ATP2C1: variants seen among roughly 807,000 people sequenced by gnomAD.
ATP2C1 encodes the protein ATPase secretory pathway Ca2+ transporting 1, also known as calcium-transporting ATPase type 2C member 1.
In ATP2C1, 31 loss-of-function variants were observed where a neutral mutation model predicts 120.5. The observed-to-expected ratio is 0.26, with a 90% CI of 0.19 to 0.35. ATP2C1 has a LOEUF of 0.35. Ranked by LOEUF, ATP2C1 falls within the 10% of genes least tolerant of loss-of-function variation. The pLI is 1.00. For synonymous variants in ATP2C1, 351 were observed against 358.7 expected (o/e 0.98, Z 0.24); for missense variants, 731 against 1,107.5 (o/e 0.66, Z 4.83).
chr3:130,942,534 A>G (rs2059969153), intron 8 of ATP2C1, among the ~76,000 whole-genome samples: 1 of 152,196 alleles, frequency 6.6e-6, no homozygotes, highest in Non-Finnish European at 1.5e-5. Flanking sequence ...TACTATGGCC[A>G]AAAGTATGAG....
chr3:130,979,404 A>G lies in ATP2C1; in HGVS notation c.1726A>G (p.Thr576Ala). The part of the protein sequence containing the change: ...IKMITGDSQE[T>A]AVAIASRLGL... ...AATGATTACTGGAGATTCACAGGAG[A>G]CTGCAGTTGCAATCGGTATAACTAG... The change falls in exon 19 of 28, where the codon ACT becomes GCT. Residue 576 changes from threonine (T) to alanine (A), a missense_variant. By Grantham distance (58) the Thr-to-Ala change is moderately conservative. Around this residue, in one of 3 missense-constraint regions of ATP2C1, gnomAD observed 571 missense variants for 845.9 expected, o/e 0.67. Coordinates refer to ENST00000510168, the MANE Select transcript of ATP2C1 (RefSeq NM_001378687.1). The G allele has an allele frequency of 6.2e-7, 1 of 1,613,426 alleles. No individual in the cohort carries two copies. Among genetic ancestry groups the G allele is most frequent in the Non-Finnish European group, 8.5e-7 (1 of 1,179,592 alleles).
intron 17 of ATP2C1, among the ~76,000 whole-genome samples, chr3:130,974,478 A>G (rs530127117): frequency 9.8e-5 from 15 of 152,350 alleles, no homozygotes; most frequent in South Asian, 6.2e-4. Flanking sequence ...TGGCCAAAGC[A>G]AGTCATACCT....
intron 2 of ATP2C1, among the ~76,000 whole-genome samples, chr3:130,921,078 T>TC (rs2058939597): frequency 6.8e-6 from 1 of 148,130 alleles, no homozygotes; most frequent in African/African-American, 2.6e-5. Context: ...GAGTTTTCTT[T>TC]CTTTTTTTTT....
intron 8 of ATP2C1, among the ~76,000 whole-genome samples, chr3:130,952,514 G>T (rs1332413366): frequency 6.6e-6 from 1 of 152,138 alleles, no homozygotes. Flanking sequence ...AGAAAAAGAA[G>T]ATTTAAATTT....
At chr3:130,918,426 G>T (rs911106461) in intron 2 of ATP2C1, 24 of 985,332 alleles carry the variant, frequency 2.4e-5, no homozygotes, top group Non-Finnish European at 3.3e-5. Flanking sequence ...AGCATGTACG[G>T]AATCCCCACA....
At chr3:130,946,059 A>T (rs773642646) in intron 8 of ATP2C1, among the ~76,000 whole-genome samples, 1 of 152,188 alleles carries the variant, frequency 6.6e-6, no homozygotes, top group Non-Finnish European at 1.5e-5. Context: ...ATGTGCTTAT[A>T]GTTGGCCCCC....
At chr3:130,936,816 C>CAAAAAAAAAAAAAAAAAAAAAAAAAA (rs34156218) in intron 5 of ATP2C1, among the ~76,000 whole-genome samples, 1 of 77,958 alleles carries the variant, frequency 1.3e-5, no homozygotes. Flanking sequence ...GACTCTGTCT[C>CAAAAAAAAAAAAAAAAAAAAAAAAAA]AAAAAAAAAA....
chr3:130,964,174 T>G (rs1402451059), intron 13 of ATP2C1, 79 bp downstream of exon 13: 35 of 1,582,194 alleles, frequency 2.2e-5, no homozygotes, highest in Non-Finnish European at 2.9e-5. Context: ...AGTTTTACAG[T>G]TTTTATCTTA....
In ATP2C1 at chr3:130,964,949, C is replaced by A; in HGVS notation, c.1026C>A (p.Gly342=). The change falls in exon 14 of 28, where the codon GGC becomes GGA. Residue 342 remains glycine, a splice_region_variant and synonymous_variant. Coordinates refer to ENST00000510168, the MANE Select transcript of ATP2C1 (RefSeq NM_001378687.1). ...VKKLPIVETL[G]CCNVICSDKT... The stretch of plus-strand genomic sequence containing the variant: ...ACTTGTAATGATTTAATTCTTTAGG[C>A]TGCTGTAATGTGATTTGTTCAGATA... 6.2e-7 allele frequency: 1 copy of A among 1,606,380 alleles called. No individual in the cohort carries two copies. Among genetic ancestry groups the A allele is most frequent in the Non-Finnish European group, 8.5e-7 (1 of 1,174,006 alleles).
chr3:130,936,037 C>G (rs762024895), intron 5 of ATP2C1, among the ~76,000 whole-genome samples: 40 of 152,144 alleles, frequency 2.6e-4, no homozygotes, highest in Non-Finnish European at 5.0e-4. Context: ...ATGAGCGAAT[C>G]AGACCAAGGA....
intron 19 of ATP2C1, among the ~76,000 whole-genome samples, chr3:130,980,078 A>C (rs955332606): frequency 6.6e-6 from 1 of 152,064 alleles, no homozygotes; most frequent in Non-Finnish European, 1.5e-5. Context: ...TTCGATGTTT[A>C]TTTTCATTTA....
intron 2 of ATP2C1, among the ~76,000 whole-genome samples, chr3:130,903,027 GA>G (rs2057940050): frequency 2.0e-5 from 3 of 151,552 alleles, no homozygotes; most frequent in Non-Finnish European, 2.9e-5. Context: ...TTCCTTTTAG[GA>G]AAAAAACCGG....
chr3:130,860,354 A>G (rs1229097851), intron 1 of ATP2C1, among the ~76,000 whole-genome samples: 7 of 152,250 alleles, frequency 4.6e-5, no homozygotes, highest in Admixed American at 4.6e-4. Context: ...CTGTGAAGAG[A>G]GCAGGAAAAA....
intron 25 of ATP2C1, 75 bp from the exon 26 acceptor site, chr3:130,998,219 A>G: frequency 2.0e-6 from 2 of 999,864 alleles, no homozygotes; most frequent in South Asian, 1.3e-5. Flanking sequence ...GAAAATGTTT[A>G]TATTTTTTAA....
chr3:130,885,974 T>G (rs2068963055), intron 1 of ATP2C1, among the ~76,000 whole-genome samples: 2 of 152,240 alleles, frequency 1.3e-5, no homozygotes, highest in African/African-American at 4.8e-5. Flanking sequence ...ATTAACATCT[T>G]TGTCTTTCAG....
At chr3:130,974,274 T>C (rs2108734298) in intron 17 of ATP2C1, among the ~76,000 whole-genome samples, 1 of 152,336 alleles carries the variant, frequency 6.6e-6, no homozygotes, top group East Asian at 1.9e-4. Context: ...GGATAGGCCA[T>C]GAAAACAACA....
intron 8 of ATP2C1, among the ~76,000 whole-genome samples, chr3:130,950,608 A>G (rs1293558325): frequency 6.6e-6 from 1 of 152,204 alleles, no homozygotes; most frequent in African/African-American, 2.4e-5. Flanking sequence ...CTTAGAAAGT[A>G]TTCGTATTCA....
chr3:131,012,256 TTTTC>T (rs1461477469), intron 26 of ATP2C1, among the ~76,000 whole-genome samples: 4 of 98,160 alleles, frequency 4.1e-5, no homozygotes, highest in African/African-American at 1.0e-4. Context: ...GGTTTTTCTT[TTTTC>T]TTTTTTTTTT....
At chr3:130,907,823 G>A (rs755284884) in intron 2 of ATP2C1, among the ~76,000 whole-genome samples, 3 of 151,700 alleles carry the variant, frequency 2.0e-5, no homozygotes, top group Non-Finnish European at 4.4e-5. Context: ...TGTTAAAAAG[G>A]CAGTTGGAAT....
Sources: allele counts gnomAD v4.1 joint callset (sites outside exome capture counted in the v4.1 genomes callset), GRCh38; gene constraint gnomAD v4.1.1; regional missense constraint gnomAD v4.1.1; transcripts MANE v1.5; gene names NCBI Gene and HGNC (gene_info 2026-07-23, HGNC 2026-07-21).